The following SPAST variants were observed in gnomAD, a reference collection of about 807,000 sequenced individuals.
SPAST encodes the protein spastic paraplegia 4 (autosomal dominant; spastin).
A neutral mutation model predicts 76.6 loss-of-function variants in SPAST; 30 were observed. That is an observed-to-expected ratio of 0.39 (90% CI 0.29 to 0.53). The LOEUF is 0.53. Ranked by LOEUF, SPAST falls within the 20% of genes least tolerant of loss-of-function variation. The pLI is 0.68. For synonymous variants in SPAST, 305 were observed against 281.0 expected (o/e 1.09, Z -0.86); for missense variants, 717 against 770.5 (o/e 0.93, Z 0.82).
At chr2:32,079,805 G>T (rs1203227749) in intron 1 of SPAST, among the ~76,000 whole-genome samples, 1 of 152,142 alleles carries the variant, frequency 6.6e-6, no homozygotes, top group Non-Finnish European at 1.5e-5. Flanking sequence ...GTCCACTTTT[G>T]CCTCGGCATG....
At chr2:32,071,005 C>A (rs1448528163) in intron 1 of SPAST, among the ~76,000 whole-genome samples, 5 of 152,102 alleles carry the variant, frequency 3.3e-5, no homozygotes, top group African/African-American at 1.2e-4. Context: ...CTTTATACTG[C>A]AGGTTTTTAT....
chr2:32,080,771 T>C (rs1677187651), intron 1 of SPAST, among the ~76,000 whole-genome samples: 1 of 149,936 alleles, frequency 6.7e-6, no homozygotes, highest in African/African-American at 2.4e-5. Flanking sequence ...TCTTGTATGG[T>C]CTGGCTCAGT....
At chr2:32,093,743 G>A (rs1194176502) in intron 3 of SPAST, among the ~76,000 whole-genome samples, 1 of 152,106 alleles carries the variant, frequency 6.6e-6, no homozygotes, top group Non-Finnish European at 1.5e-5. Flanking sequence ...TAATGAAGTT[G>A]TTTATAACCC....
intron 3 of SPAST, among the ~76,000 whole-genome samples, chr2:32,093,545 C>G (rs1395661759): frequency 6.6e-6 from 1 of 152,110 alleles, no homozygotes; most frequent in East Asian, 1.9e-4. Flanking sequence ...CTGTGTTTCA[C>G]TTATTTTTTT....
chr2:32,130,016 G>A (rs1049027635), intron 9 of SPAST: 1 of 152,848 alleles, frequency 6.5e-6, no homozygotes, highest in Non-Finnish European at 1.5e-5. Context: ...CAAAACAAGG[G>A]GGGGCATGGT....
chr2:32,111,280 CTATATAGTG>C (rs1678584939), intron 4 of SPAST, among the ~76,000 whole-genome samples: 2 of 100,504 alleles, frequency 2.0e-5, no homozygotes, highest in African/African-American at 3.5e-5. Flanking sequence ...ATACAGTATA[CTATATAGTG>C]TGTATAGCGT....
In SPAST at chr2:32,064,133, C is replaced by T. The variant is rs746263735; in HGVS notation, c.302C>T (p.Ser101Leu). The change falls in exon 1 of 17, where the codon TCG becomes TTG. Residue 101 changes from serine to leucine, a missense_variant. Ser to Leu is a moderately radical substitution (Grantham distance 145, BLOSUM62 -2). This residue lies in a region of SPAST where 543 missense variants were observed against 445.2 expected (regional missense o/e 1.22). Transcript: ENST00000315285. ...RSSGAAPAPA[S>L]ASAPAPVPGG... is the part of the protein sequence containing the mutation. Reference sequence around the variant, plus strand: ...TCCGGGGCCGCGCCAGCACCTGCCTCGGCCTCGGCCCCGGCGCCGGTGCCG... The same window carrying T: ...TCCGGGGCCGCGCCAGCACCTGCCTTGGCCTCGGCCCCGGCGCCGGTGCCG... 24 of 1,575,100 alleles carry T rather than the reference C, an allele frequency of 1.5e-5. No homozygotes were observed. The highest frequency in any genetic ancestry group is 4.6e-5 in the East Asian group (2 of 43,138).
intron 14 of SPAST, among the ~76,000 whole-genome samples, 186 bp from the exon 15 acceptor site, chr2:32,144,751 C>A (rs933553136): frequency 2.6e-5 from 4 of 151,982 alleles, no homozygotes; most frequent in African/African-American, 9.7e-5. Flanking sequence ...TAGCCAGGTG[C>A]GGTGGCGCAT....
At chr2:32,094,354 G>T (rs1677840402) in intron 3 of SPAST, among the ~76,000 whole-genome samples, 1 of 152,082 alleles carries the variant, frequency 6.6e-6, no homozygotes, top group Admixed American at 6.6e-5. Flanking sequence ...GAGTAGCTGG[G>T]ATTACAGGTG....
rs141369364 is a variant in SPAST at position 32,087,108 on chromosome 2, G to C, written c.416-384G>C. On this transcript the variant is annotated intron_variant, in intron 1 of 16. Transcript: ENST00000315285. ...ACCCAGCAATGAACACATTATATCAGATTTGAATATGAGATTAAACAATGC... is the reference window on the plus strand; with the variant it reads ...ACCCAGCAATGAACACATTATATCACATTTGAATATGAGATTAAACAATGC... 3.3e-4 allele frequency among the ~76,000 whole-genome samples: 50 copies of C among 152,234 alleles called. 1 individual carries two copies. In the East Asian group the frequency reaches 9.1e-3, roughly 28 times the overall value.
intron 1 of SPAST, among the ~76,000 whole-genome samples, chr2:32,083,265 TA>T (rs1191168691): frequency 2.6e-5 from 4 of 152,254 alleles, no homozygotes; most frequent in African/African-American, 9.6e-5. Context: ...CTCCTGTTTT[TA>T]AATTTTATGA....
intron 3 of SPAST, among the ~76,000 whole-genome samples, chr2:32,095,729 A>G (rs1291382283): frequency 6.6e-6 from 1 of 152,118 alleles, no homozygotes; most frequent in Non-Finnish European, 1.5e-5. Flanking sequence ...ACAGAGTGAG[A>G]CCCTGTCTCA....
chr2:32,116,505 G>A (rs545248873), intron 7 of SPAST, among the ~76,000 whole-genome samples: 3 of 152,090 alleles, frequency 2.0e-5, no homozygotes, highest in African/African-American at 4.8e-5. Flanking sequence ...TCATTGTGTC[G>A]CCCAGGCTGG....
At chr2:32,074,699 G>A (rs1676882380) in intron 1 of SPAST, among the ~76,000 whole-genome samples, 1 of 151,926 alleles carries the variant, frequency 6.6e-6, no homozygotes, top group South Asian at 2.1e-4. Flanking sequence ...TAGAGACGGG[G>A]TTTCACCATG....
chr2:32,081,346 A>G (rs569026060), intron 1 of SPAST, among the ~76,000 whole-genome samples: 90 of 152,186 alleles, frequency 5.9e-4, no homozygotes, highest in African/African-American at 2.1e-3. Context: ...CACCTGCCTC[A>G]GCCTCCCAAA....
At chr2:32,124,746 T>C (rs1056059373) in intron 7 of SPAST, among the ~76,000 whole-genome samples, 1 of 152,136 alleles carries the variant, frequency 6.6e-6, no homozygotes, top group South Asian at 2.1e-4. Flanking sequence ...CAAAAATATA[T>C]GGAGGAACCA....
intron 5 of SPAST, among the ~76,000 whole-genome samples, chr2:32,115,047 C>G (rs1678775832): frequency 6.8e-6 from 1 of 148,108 alleles, no homozygotes; most frequent in Admixed American, 6.9e-5. Context: ...CTCCCAGGTT[C>G]AAGCGATTCT....
intron 4 of SPAST, among the ~76,000 whole-genome samples, chr2:32,103,019 T>G (rs1047765358): frequency 6.6e-6 from 1 of 152,242 alleles, no homozygotes; most frequent in Admixed American, 6.5e-5. Context: ...TTCTATTGAT[T>G]GGAATCATTT....
chr2:32,068,490 A>T (rs907368018), intron 1 of SPAST, among the ~76,000 whole-genome samples: 1 of 151,636 alleles, frequency 6.6e-6, no homozygotes, highest in African/African-American at 2.4e-5. Flanking sequence ...CACCCAGCCA[A>T]TTTTTGTATT....
Sources: gnomAD v4.1 joint callset for allele counts (sites outside exome capture counted in the v4.1 genomes callset) on GRCh38, gnomAD v4.1.1 for gene constraint, gnomAD v4.1.1 regional missense constraint, MANE v1.5 for transcripts, NCBI Gene and HGNC (gene_info 2026-07-23, HGNC 2026-07-21) for gene names.